PPM1E: variants seen among roughly 807,000 people sequenced by gnomAD.
PPM1E encodes protein phosphatase 1E.
In PPM1E, 20 loss-of-function variants were observed where a neutral mutation model predicts 65.9. That is an observed-to-expected ratio of 0.30 (90% CI 0.21 to 0.44). PPM1E has a LOEUF of 0.44. Ranked by LOEUF, PPM1E falls within the 20% of genes least tolerant of loss-of-function variation. PPM1E has a pLI of 1.00. For missense variants in PPM1E, 713 were observed against 953.1 expected (o/e 0.75, Z 3.32); for synonymous variants, 352 against 374.9 (o/e 0.94, Z 0.70).
chr17:58,912,483 G>A (rs957412870), intron 1 of PPM1E, among the ~76,000 whole-genome samples: 5 of 152,210 alleles, frequency 3.3e-5, no homozygotes, highest in Admixed American at 3.3e-4. Flanking sequence ...TAATTGGTAT[G>A]TTTGAGGAAT....
At chr17:58,873,955 C>T (rs1045138360) in intron 1 of PPM1E, among the ~76,000 whole-genome samples, 1 of 151,828 alleles carries the variant, frequency 6.6e-6, no homozygotes, top group African/African-American at 2.4e-5. Flanking sequence ...GCAAAGTCCA[C>T]CCAAATGAGA....
intron 1 of PPM1E, among the ~76,000 whole-genome samples, chr17:58,906,431 C>T (rs934367610): frequency 6.6e-6 from 1 of 152,168 alleles, no homozygotes; most frequent in African/African-American, 2.4e-5. Context: ...TTCAATCTCC[C>T]AGGCTCAAGT....
intron 1 of PPM1E, among the ~76,000 whole-genome samples, chr17:58,910,720 G>T (rs2051617479): frequency 6.6e-6 from 1 of 152,084 alleles, no homozygotes; most frequent in Non-Finnish European, 1.5e-5. Flanking sequence ...TTGTTCTCAG[G>T]GTTGGTTTTG....
intron 1 of PPM1E, among the ~76,000 whole-genome samples, chr17:58,892,842 G>A (rs2051364965): frequency 1.3e-5 from 2 of 152,018 alleles, no homozygotes; most frequent in Non-Finnish European, 2.9e-5. Context: ...TTTTTATATG[G>A]CAAATAAACA....
At chr17:58,850,942 G>T (rs138167415) in intron 1 of PPM1E, among the ~76,000 whole-genome samples, 1 of 152,030 alleles carries the variant, frequency 6.6e-6, no homozygotes, top group Non-Finnish European at 1.5e-5. Flanking sequence ...GTCTTTTCAC[G>T]TAGTCCCATA....
intron 2 of PPM1E, among the ~76,000 whole-genome samples, chr17:58,960,578 C>T (rs2029999104): frequency 6.6e-6 from 1 of 151,904 alleles, no homozygotes; most frequent in African/African-American, 2.4e-5. Context: ...AGCTCGAGAC[C>T]AGTCTGGCCA....
chr17:58,878,643 CT>C (rs1027994137), intron 1 of PPM1E, among the ~76,000 whole-genome samples: 14 of 151,166 alleles, frequency 9.3e-5, no homozygotes, highest in Admixed American at 3.3e-4. Flanking sequence ...AGAAAACTAA[CT>C]TTTGCTGGCC....
At chr17:58,765,392 G>A (rs1356525417) in intron 1 of PPM1E, among the ~76,000 whole-genome samples, 2 of 151,758 alleles carry the variant, frequency 1.3e-5, no homozygotes, top group African/African-American at 4.8e-5. Context: ...TGGCCAGGAT[G>A]GTCTTGAAAT....
At chr17:58,896,659 A>G (rs1443523988) in intron 1 of PPM1E, among the ~76,000 whole-genome samples, 2 of 152,212 alleles carry the variant, frequency 1.3e-5, no homozygotes, top group African/African-American at 4.8e-5. Context: ...GTTTAAGGAA[A>G]GAAGCCAGCT....
intron 1 of PPM1E, among the ~76,000 whole-genome samples, chr17:58,886,372 A>G (rs1022173228): frequency 1.3e-5 from 2 of 152,200 alleles, no homozygotes; most frequent in Non-Finnish European, 2.9e-5. Flanking sequence ...ATTTGTTCAT[A>G]TAGATGTAGA....
At chr17:58,863,036 C>T (rs2050959554) in intron 1 of PPM1E, among the ~76,000 whole-genome samples, 1 of 152,154 alleles carries the variant, frequency 6.6e-6, no homozygotes, top group Admixed American at 6.5e-5. Context: ...AAATGATGTA[C>T]TTTGCTTTGT....
chr17:58,901,223 A>G (rs1488938521), intron 1 of PPM1E, among the ~76,000 whole-genome samples: 1 of 152,220 alleles, frequency 6.6e-6, no homozygotes, highest in Non-Finnish European at 1.5e-5. Flanking sequence ...TATTCACTAG[A>G]AATATTATCA....
chr17:58,823,156 A>T (rs149869667), intron 1 of PPM1E, among the ~76,000 whole-genome samples: 1 of 152,188 alleles, frequency 6.6e-6, no homozygotes, highest in African/African-American at 2.4e-5. Flanking sequence ...TTTTTAAACT[A>T]TAAAGACAAC....
At chr17:58,914,221 A>T (rs1488246944) in intron 1 of PPM1E, among the ~76,000 whole-genome samples, 1 of 152,164 alleles carries the variant, frequency 6.6e-6, no homozygotes, top group Non-Finnish European at 1.5e-5. Flanking sequence ...TTACATTATC[A>T]TGGTGTGTTT....
At chr17:58,924,700 T>C (rs2051801672) in intron 1 of PPM1E, among the ~76,000 whole-genome samples, 1 of 152,138 alleles carries the variant, frequency 6.6e-6, no homozygotes, top group African/African-American at 2.4e-5. Context: ...ATGCATTAGC[T>C]ATTTTTCCTA....
intron 1 of PPM1E, among the ~76,000 whole-genome samples, chr17:58,922,686 C>CTT (rs35870575): frequency 1.5e-5 from 2 of 133,812 alleles, no homozygotes; most frequent in African/African-American, 5.5e-5. Flanking sequence ...TCTTGAAGTA[C>CTT]TTTTTTTTTT....
At chr17:58,863,410 G>A (rs1236413655) in intron 1 of PPM1E, among the ~76,000 whole-genome samples, 1 of 152,226 alleles carries the variant, frequency 6.6e-6, no homozygotes, top group Non-Finnish European at 1.5e-5. Context: ...AGTGGGAGCA[G>A]GTCCTGTGCA....
intron 1 of PPM1E, among the ~76,000 whole-genome samples, chr17:58,857,892 G>A (rs750274546): frequency 7.2e-5 from 11 of 152,008 alleles, no homozygotes; most frequent in Admixed American, 2.6e-4. Context: ...GTAAAATTCC[G>A]TCCAATGTGT....
intron 1 of PPM1E, among the ~76,000 whole-genome samples, chr17:58,776,317 C>A (rs1019488836): frequency 1.9e-4 from 29 of 151,910 alleles, no homozygotes; most frequent in African/African-American, 6.8e-4. Context: ...ACAGAGGAGA[C>A]CCTGTCTCCA....
Sources: gnomAD v4.1 joint callset for allele counts (sites outside exome capture counted in the v4.1 genomes callset) on GRCh38, gnomAD v4.1.1 for gene constraint, MANE v1.5 for transcripts, NCBI Gene and HGNC (gene_info 2026-07-23, HGNC 2026-07-21) for gene names.